Variants in DIAPH3 observed in about 807,000 individuals in gnomAD.
DIAPH3 encodes the protein protein diaphanous homolog 3.
In DIAPH3, 117 loss-of-function variants were observed where a neutral mutation model predicts 144.3. That is an observed-to-expected ratio of 0.81 (90% CI 0.70 to 0.95). DIAPH3 has a LOEUF of 0.95. DIAPH3 is among the 40% of genes least tolerant of loss of function. The probability of loss-of-function intolerance (pLI) is 0.00; values close to 1 mark genes in which losing one functional copy is unlikely to be tolerated. For synonymous variants in DIAPH3, 519 were observed against 488.9 expected, an observed-to-expected ratio of 1.06 and a Z score of -0.81; for missense variants, 1,421 against 1,412.7, an observed-to-expected ratio of 1.01 and a Z score of -0.09.
At chr13:59,728,582 A>C (rs1477694295) in intron 27 of DIAPH3, among the ~76,000 whole-genome samples, 4 of 152,062 alleles carry the variant, frequency 2.6e-5, no homozygotes, top group Non-Finnish European at 5.9e-5. Context: ...AGGTATAATA[A>C]TGTATTACCT....
intron 24 of DIAPH3, among the ~76,000 whole-genome samples, chr13:59,823,080 G>A (rs2041164059): frequency 6.6e-6 from 1 of 151,870 alleles, no homozygotes; most frequent in African/African-American, 2.4e-5. Flanking sequence ...GTTATTTCAG[G>A]GAACAAACAA....
chr13:60,019,003 T>C (rs1188722407), intron 5 of DIAPH3, among the ~76,000 whole-genome samples: 1 of 152,138 alleles, frequency 6.6e-6, no homozygotes, highest in Non-Finnish European at 1.5e-5. Flanking sequence ...AAAGCAATAA[T>C]CTCAAGTGTT....
At chr13:59,832,974 C>A (rs1265960538) in intron 24 of DIAPH3, 133 bp downstream of exon 24, 46 of 769,716 alleles carry the variant, frequency 6.0e-5, no homozygotes, top group Non-Finnish European at 7.3e-5. Flanking sequence ...ATTTTTAAAT[C>A]TGAAATTTTA....
intron 21 of DIAPH3, among the ~76,000 whole-genome samples, chr13:59,877,068 C>G (rs1019285705): frequency 1.6e-4 from 24 of 152,112 alleles, no homozygotes; most frequent in Non-Finnish European, 3.5e-4. Flanking sequence ...TCCATCATCT[C>G]AAAACACAGT....
chr13:60,018,261 A>G (rs1205395165), intron 5 of DIAPH3, among the ~76,000 whole-genome samples: 1 of 152,202 alleles, frequency 6.6e-6, no homozygotes, highest in Non-Finnish European at 1.5e-5. Flanking sequence ...ATCATTGTGA[A>G]GAATAAAATC....
At chr13:60,040,599 G>A (rs974665571) in intron 5 of DIAPH3, among the ~76,000 whole-genome samples, 22 of 152,200 alleles carry the variant, frequency 1.4e-4, no homozygotes, top group Admixed American at 1.2e-3. Context: ...ATGAAGAGGA[G>A]AATAATAGTA....
intron 20 of DIAPH3, among the ~76,000 whole-genome samples, chr13:59,905,224 T>C (rs1421289527): frequency 6.6e-6 from 1 of 150,972 alleles, no homozygotes; most frequent in Admixed American, 6.6e-5. Flanking sequence ...GCGCCTATAG[T>C]CCCAGCTACT....
At chr13:60,066,760 A>G (rs2056983961) in intron 4 of DIAPH3, among the ~76,000 whole-genome samples, 2 of 152,248 alleles carry the variant, frequency 1.3e-5, no homozygotes, top group Non-Finnish European at 2.9e-5. Context: ...TATGAATTTT[A>G]AACTGCTTAA....
intron 5 of DIAPH3, among the ~76,000 whole-genome samples, chr13:60,020,086 G>A (rs945670222): frequency 6.6e-6 from 1 of 152,006 alleles, no homozygotes; most frequent in Non-Finnish European, 1.5e-5. Flanking sequence ...TTGAGTATAG[G>A]GACCGTTTCT....
At chr13:60,142,513 T>A (rs1389113604) in intron 1 of DIAPH3, among the ~76,000 whole-genome samples, 3 of 152,072 alleles carry the variant, frequency 2.0e-5, no homozygotes. Context: ...TAAACATAAC[T>A]CTGAGGACCC....
intron 20 of DIAPH3, among the ~76,000 whole-genome samples, chr13:59,904,820 CAT>C (rs1272290075): frequency 6.6e-6 from 1 of 151,800 alleles, no homozygotes; most frequent in Non-Finnish European, 1.5e-5. Context: ...CGCTATAGAA[CAT>C]ATAAGGAGCT....
chr13:59,980,226 G>A (rs1476243044), intron 14 of DIAPH3, among the ~76,000 whole-genome samples: 1 of 151,484 alleles, frequency 6.6e-6, no homozygotes, highest in Non-Finnish European at 1.5e-5. Context: ...CTATGAAAAT[G>A]GCAATTTTAT....
chr13:60,003,724 C>A (rs1310263404), intron 9 of DIAPH3, among the ~76,000 whole-genome samples: 1 of 151,920 alleles, frequency 6.6e-6, no homozygotes, highest in Non-Finnish European at 1.5e-5. Flanking sequence ...TAGGCACCCA[C>A]CAACACGCAA....
At chr13:59,814,941 G>T (rs1214807391) in intron 24 of DIAPH3, among the ~76,000 whole-genome samples, 1 of 152,130 alleles carries the variant, frequency 6.6e-6, no homozygotes, top group South Asian at 2.1e-4. Flanking sequence ...TATGGTATTT[G>T]TCTCTCAGTG....
At chr13:60,006,754 T>C (rs2052899014) in intron 9 of DIAPH3, among the ~76,000 whole-genome samples, 1 of 152,020 alleles carries the variant, frequency 6.6e-6, no homozygotes, top group Admixed American at 6.6e-5. Context: ...TAGCAGTACA[T>C]GAATTAAAAG....
intron 25 of DIAPH3, among the ~76,000 whole-genome samples, chr13:59,793,957 C>A (rs1034104299): frequency 6.6e-6 from 1 of 152,170 alleles, no homozygotes; most frequent in Non-Finnish European, 1.5e-5. Flanking sequence ...TCCCAACTTA[C>A]AATTTTTTGA....
At chr13:59,692,975 G>A (rs1170199023) in intron 27 of DIAPH3, among the ~76,000 whole-genome samples, 1 of 152,180 alleles carries the variant, frequency 6.6e-6, no homozygotes, top group Non-Finnish European at 1.5e-5. Flanking sequence ...ATTATAACTT[G>A]TAAGTACAAT....
chr13:59,985,159 T>A (rs1222515007), intron 12 of DIAPH3, among the ~76,000 whole-genome samples: 1 of 139,752 alleles, frequency 7.2e-6, no homozygotes, highest in African/African-American at 2.7e-5. Flanking sequence ...GATGCAAGGC[T>A]GGCTCAATAT....
intron 21 of DIAPH3, among the ~76,000 whole-genome samples, chr13:59,875,764 T>C (rs970324256): frequency 6.6e-6 from 1 of 152,170 alleles, no homozygotes; most frequent in Non-Finnish European, 1.5e-5. Context: ...ATGTTTACCT[T>C]ATATGTCATA....
Sources: gnomAD v4.1 joint callset for allele counts (sites outside exome capture counted in the v4.1 genomes callset) on GRCh38, gnomAD v4.1.1 for gene constraint, MANE v1.5 for transcripts, NCBI Gene and HGNC (gene_info 2026-07-23, HGNC 2026-07-21) for gene names.